ATP7A: variants seen among roughly 807,000 people sequenced by gnomAD.
ATP7A encodes the protein copper-transporting ATPase 1.
In ATP7A, 7 loss-of-function variants were observed where a neutral mutation model predicts 83.5. That is an observed-to-expected ratio of 0.08 (90% CI 0.05 to 0.16). ATP7A has a LOEUF of 0.16. Ranked by LOEUF, ATP7A falls within the 10% of genes least tolerant of loss-of-function variation. The probability of loss-of-function intolerance (pLI) is 1.00; values close to 1 mark genes in which losing one functional copy is unlikely to be tolerated. For missense variants in ATP7A, 940 were observed against 1,120.8 expected, an observed-to-expected ratio of 0.84 and a Z score of 2.30; for synonymous variants, 354 against 395.2, an observed-to-expected ratio of 0.90 and a Z score of 1.24.
intron 1 of ATP7A, among the ~76,000 whole-genome samples, chrX:77,920,705 A>G (rs1046422013): frequency 1.3e-4 from 14 of 111,071 alleles, no homozygotes; most frequent in African/African-American, 4.6e-4. Context: ...TCTTTATCCA[A>G]TCCACCATTG....
intron 1 of ATP7A, among the ~76,000 whole-genome samples, chrX:77,953,058 A>G (rs1388560948): frequency 8.9e-6 from 1 of 112,084 alleles, no homozygotes; most frequent in Non-Finnish European, 1.9e-5. Flanking sequence ...CTGGGATTAC[A>G]GGCGTGAGCC....
At chrX:77,956,479 G>A in intron 1 of ATP7A, among the ~76,000 whole-genome samples, 1 of 111,635 alleles carries the variant, frequency 9.0e-6, no homozygotes, top group Admixed American at 9.5e-5. Flanking sequence ...TTTGGAACAT[G>A]GAGGCATATC....
At chrX:77,945,460 G>A (rs1216527151) in intron 1 of ATP7A, among the ~76,000 whole-genome samples, 1 of 112,384 alleles carries the variant, frequency 8.9e-6, no homozygotes, top group Non-Finnish European at 1.9e-5. Context: ...GTTTACAGGT[G>A]TGAGCCACTA....
chrX:78,044,314 A>G (rs1395857710), intron 21 of ATP7A, among the ~76,000 whole-genome samples: 1 of 110,777 alleles, frequency 9.0e-6, no homozygotes, highest in East Asian at 2.8e-4. Context: ...TGGTACAATA[A>G]AAATCTGTAT....
chrX:78,000,416 C>A (rs1365115367), intron 5 of ATP7A, among the ~76,000 whole-genome samples: 1 of 109,738 alleles, frequency 9.1e-6, no homozygotes, highest in African/African-American at 3.3e-5. Context: ...ATGCCTATGC[C>A]AGTTACAATT....
At position 77,988,452 on chromosome X, in the gene ATP7A, A is replaced by T. The variant is rs2077651297; in HGVS notation, c.331A>T (p.Lys111Ter). The change falls in exon 3 of 23, where the codon AAG becomes TAG. Residue 111 changes from lysine to a stop codon, truncating the protein, a stop_gained. Coordinates refer to ENST00000341514, the MANE Select transcript of ATP7A (RefSeq NM_000052.7). LOFTEE classifies it high-confidence loss of function. ...DHIQSTLLKTKGVTDIKIYPQ... is the reference protein window; with the variant it reads ...DHIQSTLLKT ...TATCCAAAGCACATTGCTGAAGACC[A>T]AGGGTGTGACAGACATTAAAATTTA... The T allele has an allele frequency of 8.3e-7, 1 of 1,209,831 alleles. No homozygotes were observed. Among genetic ancestry groups the T allele is most frequent in the Admixed American group, 2.2e-5 (1 of 45,638 alleles).
chrX:77,991,528 A>G (rs2077669142), intron 4 of ATP7A, among the ~76,000 whole-genome samples: 1 of 111,584 alleles, frequency 9.0e-6, no homozygotes, highest in South Asian at 3.7e-4. Flanking sequence ...ACTGCTATGA[A>G]CAATTTGAGT....
At chrX:78,019,019 TC>T (rs2077887658) in intron 12 of ATP7A, among the ~76,000 whole-genome samples, 1 of 111,369 alleles carries the variant, frequency 9.0e-6, no homozygotes, top group Non-Finnish European at 1.9e-5. Flanking sequence ...GGATTATAGG[TC>T]CCTCCCTCAA....
chrX:78,016,336 T>C (rs2077863823), intron 12 of ATP7A, among the ~76,000 whole-genome samples: 1 of 110,564 alleles, frequency 9.0e-6, no homozygotes, highest in Non-Finnish European at 1.9e-5. Context: ...TTCAATCACC[T>C]CCCCTCCTCG....
At chrX:78,007,472 T>C (rs782626774) in intron 6 of ATP7A, among the ~76,000 whole-genome samples, 79 of 111,354 alleles carry the variant, frequency 7.1e-4, no homozygotes, top group Non-Finnish European at 1.3e-3. Flanking sequence ...ACTACAGGCG[T>C]CTGCCACCAT....
intron 1 of ATP7A, among the ~76,000 whole-genome samples, chrX:77,931,216 T>C (rs1252813364): frequency 9.3e-6 from 1 of 108,054 alleles, no homozygotes; most frequent in Non-Finnish European, 1.9e-5. Flanking sequence ...GTGATGATTG[T>C]TAACGAGCAT....
chrX:78,014,716 A>G lies in ATP7A; in HGVS notation c.2461A>G (p.Thr821Ala), dbSNP rs1557234940. 8.3e-7 allele frequency: 1 copy of G among 1,206,729 alleles called. No homozygotes were observed. ...KLISLQATEA[T>A]IVTLDSDNIL... is the part of the protein sequence containing the mutation. Reference sequence around the variant, plus strand: ...AATTTCACTACAAGCTACAGAAGCAACTATTGTAACTCTTGATTCTGATAA... The same window carrying G: ...AATTTCACTACAAGCTACAGAAGCAGCTATTGTAACTCTTGATTCTGATAA... Residue 821 changes from threonine to alanine, a missense_variant, in exon 11 of 23, where the codon ACT becomes GCT. This residue lies in a region of ATP7A where 204 missense variants were observed against 185.8 expected (regional missense o/e 1.10). Transcript: ENST00000341514.
chrX:77,911,373 A>G (rs1345804875), intron 1 of ATP7A, among the ~76,000 whole-genome samples: 1 of 111,305 alleles, frequency 9.0e-6, no homozygotes, highest in Non-Finnish European at 1.9e-5. Flanking sequence ...GTGGCATCTT[A>G]TCTTTGACAC....
intron 7 of ATP7A, 161 bp downstream of exon 7, chrX:78,009,424 A>C (rs782096307): frequency 7.7e-6 from 4 of 518,556 alleles, no homozygotes; most frequent in Non-Finnish European, 1.2e-5. Flanking sequence ...ACGTGTCTGC[A>C]TTTTTTTTTT....
rs782000311 is a variant in ATP7A, at chrX:78,042,817, G to A, written c.4005+29G>A. The A allele has an allele frequency of 1.8e-5, 21 of 1,171,250 alleles. No individual in the cohort carries two copies. The East Asian group carries it at 6.2e-4, about 35-fold the overall frequency. ...AGTGCCATGGCTTGACCTTTGAGGA[G>A]TATGAGACTGCCCTATGTGGTCAAT... On this transcript the variant is annotated intron_variant, in intron 20 of 22. Coordinates refer to ENST00000341514, the MANE Select transcript of ATP7A (RefSeq NM_000052.7).
intron 1 of ATP7A, among the ~76,000 whole-genome samples, chrX:77,956,797 CTTTT>C (rs376461587): frequency 1.2e-5 from 1 of 82,687 alleles, no homozygotes; most frequent in Non-Finnish European, 2.4e-5. Flanking sequence ...CTCTTTCTTT[CTTTT>C]TTTTTTTTTT....
At position 77,969,353 on chromosome X, in the gene ATP7A, T is replaced by C. The variant is rs369832937; in HGVS notation, c.-21-2268T>C. 79 of 1,208,912 alleles carry C rather than the reference T, an allele frequency of 6.5e-5. No individual in the cohort carries two copies. In the African/African-American group the frequency reaches 1.3e-3, roughly 20 times the overall value. On this transcript the variant is annotated intron_variant, in intron 1 of 22. Transcript: ENST00000341514. ...GCAGTTTCTGCTTTATTGAGACCGG[T>C]TAGACCCCCATAGTGCCGCTCATTG...
intron 1 of ATP7A, among the ~76,000 whole-genome samples, chrX:77,939,352 A>G (rs782714183): frequency 1.8e-5 from 2 of 111,182 alleles, no homozygotes; most frequent in Non-Finnish European, 3.8e-5. Context: ...ATATTCCTAT[A>G]TTAGTATCTT....
Position 77,998,547 on chromosome X carries a change from A to G in ATP7A, c.1406A>G (p.Glu469Gly), listed in dbSNP as rs1377636628. The G allele has an allele frequency of 8.3e-7, 1 of 1,211,678 alleles. No homozygotes were observed. Among genetic ancestry groups the G allele is most frequent in the South Asian group, 1.8e-5 (1 of 57,016 alleles). Residue 469 changes from glutamate to glycine, a missense_variant, in exon 5 of 23, where the codon GAA (glutamate) becomes GGA (glycine). Glu to Gly is a moderately conservative substitution (Grantham distance 98). This residue lies in a region of ATP7A where 350 missense variants were observed against 432.8 expected (regional missense o/e 0.81). Coordinates refer to ENST00000341514, the MANE Select transcript of ATP7A (RefSeq NM_000052.7). ...ATGCCGCTTTTGACTTCAACTAATG[A>G]ATTTTATACTAAAGGGATGACACCA... ...SEMPLLTSTNEFYTKGMTPVQ... is the reference protein window; with the variant it reads ...SEMPLLTSTNGFYTKGMTPVQ...
Sources: allele counts gnomAD v4.1 joint callset (sites outside exome capture counted in the v4.1 genomes callset), GRCh38; gene constraint gnomAD v4.1.1; regional missense constraint gnomAD v4.1.1; transcripts MANE v1.5; gene names NCBI Gene and HGNC (gene_info 2026-07-23, HGNC 2026-07-21).